Variants in AGL observed in about 807,000 individuals in gnomAD.
The protein encoded by AGL is amylo-alpha-1,6-glucosidase and 4-alpha-glucanotransferase.
AGL carries 128 observed loss-of-function variants against 199.3 expected under a neutral mutation model. That is an observed-to-expected ratio of 0.64 (90% confidence interval 0.56 to 0.74). The LOEUF is 0.74. Among genes scored for constraint, AGL ranks in the 30% least tolerant of loss-of-function variants. AGL has a pLI of 0.00. For synonymous variants in AGL, 584 were observed against 594.7 expected, an observed-to-expected ratio of 0.98 and a Z score of 0.26; for missense variants, 1,809 against 1,820.8, an observed-to-expected ratio of 0.99 and a Z score of 0.12.
intron 7 of AGL, among the ~76,000 whole-genome samples, chr1:99,873,973 T>C (rs1028435407): frequency 2.0e-5 from 3 of 152,220 alleles, no homozygotes; most frequent in Non-Finnish European, 2.9e-5. Flanking sequence ...GTACCAGTTC[T>C]TAATTTTATT....
intron 2 of AGL, among the ~76,000 whole-genome samples, chr1:99,858,688 T>G (rs1649778460): frequency 6.6e-6 from 1 of 152,214 alleles, no homozygotes; most frequent in Non-Finnish European, 1.5e-5. Context: ...TTGAATCACT[T>G]TATTACAAAA....
chr1:99,920,955 C>T (rs890067135), intron 33 of AGL, among the ~76,000 whole-genome samples: 2 of 152,130 alleles, frequency 1.3e-5, no homozygotes, highest in African/African-American at 2.4e-5. Context: ...GATAGGAATA[C>T]TTATGGTACC....
intron 31 of AGL, 110 bp from the exon 32 acceptor site, chr1:99,916,300 A>C: frequency 1.2e-6 from 1 of 868,940 alleles, no homozygotes; most frequent in Non-Finnish European, 1.8e-6. Flanking sequence ...ATTCTGTAGA[A>C]GACAAAATAA....
chr1:99,899,146 A>G (rs768961767), intron 25 of AGL, among the ~76,000 whole-genome samples: 22 of 152,212 alleles, frequency 1.4e-4, no homozygotes, highest in Non-Finnish European at 2.5e-4. Context: ...GTCACTGTCT[A>G]TACTAATATT....
chr1:99,856,954 G>A (rs977358419), intron 2 of AGL, among the ~76,000 whole-genome samples: 1 of 152,240 alleles, frequency 6.6e-6, no homozygotes. Flanking sequence ...GAGCTGTTGG[G>A]TACACCTCCC....
chr1:99,891,393 G>A (rs748590376), intron 22 of AGL, 37 bp downstream of exon 22: 1 of 1,608,370 alleles, frequency 6.2e-7, no homozygotes, highest in East Asian at 2.2e-5. Context: ...AAAAATCAAG[G>A]ACATAATAAT....
rs765306655 is a variant in AGL at position 99,921,566 on chromosome 1, A to G, written c.4514A>G (p.Asn1505Ser). ...TGGAAAGGACTTCCAGAACTGACCA[A>G]TGAGAATGCCCAGTACTGTCCTTTC... is the stretch of plus-strand genomic sequence containing the variant. ...SPWKGLPELT[N>S]ENAQYCPFSC... is the part of the protein sequence containing the mutation. The change falls in exon 34 of 34, where the codon AAT becomes AGT. Residue 1505 changes from asparagine to serine, a missense_variant. Asn to Ser is a conservative substitution (Grantham distance 46, BLOSUM62 1). Transcript: ENST00000361915. 23 of 1,613,084 alleles carry G rather than the reference A, an allele frequency of 1.4e-5. No individual in the cohort carries two copies. Among genetic ancestry groups the G allele is most frequent in the Admixed American group, 6.7e-5 (4 of 59,910 alleles).
intron 22 of AGL, 87 bp from the exon 23 acceptor site, chr1:99,891,518 GA>G: frequency 1.9e-6 from 3 of 1,540,188 alleles, no homozygotes; most frequent in Non-Finnish European, 2.7e-6. Context: ...TAGATTACTA[GA>G]TAAAGTTGCA....
At chr1:99,898,292 T>C (rs1412568183) in intron 25 of AGL, among the ~76,000 whole-genome samples, 3 of 152,144 alleles carry the variant, frequency 2.0e-5, no homozygotes, top group Non-Finnish European at 2.9e-5. Flanking sequence ...ATGATCCGCC[T>C]GCCTCATCCT....
intron 28 of AGL, among the ~76,000 whole-genome samples, 168 bp from the exon 29 acceptor site, chr1:99,912,235 TGA>T (rs1384650339): frequency 6.6e-6 from 1 of 152,096 alleles, no homozygotes; most frequent in East Asian, 1.9e-4. Flanking sequence ...GGCAAAACCG[TGA>T]GAGGAAAAAA....
chr1:99,867,180 C>T (rs1650587775), intron 5 of AGL, among the ~76,000 whole-genome samples: 1 of 152,146 alleles, frequency 6.6e-6, no homozygotes, highest in South Asian at 2.1e-4. Context: ...TATGTGAAGG[C>T]TTCACACACT....
In AGL at chr1:99,876,532, G is replaced by C; in HGVS notation, c.1358G>C (p.Cys453Ser). The part of the protein sequence containing the change: ...ESMIHLPNKA[C>S]FLMAHNGWVM... ...ATGATTCATCTGCCAAATAAAGCTT[G>C]TTTTCTGATGGCACACAATGGATGG... The change falls in exon 11 of 34, where the codon TGT becomes TCT. Residue 453 changes from cysteine to serine, a missense_variant. Transcript: ENST00000361915. The C allele has an allele frequency of 6.2e-7, 1 of 1,613,922 alleles. No individual in the cohort carries two copies. Among genetic ancestry groups the C allele is most frequent in the Non-Finnish European group, 8.5e-7 (1 of 1,179,892 alleles).
At chr1:99,878,837 C>G (rs926236503) in intron 12 of AGL, among the ~76,000 whole-genome samples, 4 of 152,064 alleles carry the variant, frequency 2.6e-5, no homozygotes, top group Non-Finnish European at 5.9e-5. Flanking sequence ...CAAAAAATGA[C>G]GGCTTTATTT....
rs1243258727 is a variant in AGL at position 99,881,301 on chromosome 1, G to A, written c.2011G>A (p.Val671Ile). The part of the protein sequence containing the change: ...DELVPHQISV[V>I]SEERFYTKWN... ...TTTTACCTTTGTCCAGATTTCAGTG[G>A]TTTCTGAAGAACGGTTTTACACTAA... The change falls in exon 16 of 34, where the codon GTT becomes ATT. Residue 671 changes from valine (V) to isoleucine (I), a missense_variant. Physicochemically the swap from Val to Ile is conservative, Grantham distance 29. Transcript: ENST00000361915. 6 of 1,613,948 alleles carry A rather than the reference G, an allele frequency of 3.7e-6. No homozygotes were observed. The highest frequency in any genetic ancestry group is 5.1e-6 in the Non-Finnish European group (6 of 1,179,998).
At chr1:99,889,929 C>T (rs531503092) in intron 21 of AGL, among the ~76,000 whole-genome samples, 1 of 152,282 alleles carries the variant, frequency 6.6e-6, no homozygotes, top group Non-Finnish European at 1.5e-5. Flanking sequence ...ATAAGAGCCT[C>T]AGATTAAATC....
intron 2 of AGL, among the ~76,000 whole-genome samples, chr1:99,856,307 CCTCCCTCCCTCCCTTCCTT>C (rs1385256206): frequency 0.029 from 408 of 13,860 alleles, 5 homozygotes; most frequent in African/African-American, 0.13. Flanking sequence ...TTCCTTCCTT[CCTCCCTCCCTCCCTTCCTT>C]CCTCCCTCCC....
chr1:99,856,306 TCCTCCCTCCCTCCCTTCCTTCCTC>T (rs1161523760), intron 2 of AGL, among the ~76,000 whole-genome samples: 2,660 of 55,524 alleles, frequency 0.048, 64 homozygotes, highest in Non-Finnish European at 0.084. Flanking sequence ...CTTCCTTCCT[TCCTCCCTCCCTCCCTTCCTTCCTC>T]CCTCCCTCCC....
intron 5 of AGL, among the ~76,000 whole-genome samples, chr1:99,866,183 T>C (rs1441561591): frequency 6.6e-6 from 1 of 152,182 alleles, no homozygotes; most frequent in Non-Finnish European, 1.5e-5. Flanking sequence ...ATTATTGAAA[T>C]CAGATTTATC....
chr1:99,891,400 TAATA>T (rs1652890341), intron 22 of AGL, 44 bp downstream of exon 22: 5 of 1,598,006 alleles, frequency 3.1e-6, no homozygotes, highest in Non-Finnish European at 4.3e-6. Flanking sequence ...AAGGACATAA[TAATA>T]AATATTACCA....
Sources: allele counts gnomAD v4.1 joint callset (sites outside exome capture counted in the v4.1 genomes callset), GRCh38; gene constraint gnomAD v4.1.1; transcripts MANE v1.5; gene names NCBI Gene and HGNC (gene_info 2026-07-23, HGNC 2026-07-21).